Variants in MED12L observed in about 807,000 individuals in gnomAD.
MED12L encodes the protein mediator complex subunit 12L.
Under a neutral mutation model 281.3 loss-of-function variants are expected in MED12L, and 60 were observed. That is an observed-to-expected ratio of 0.21 (90% confidence interval 0.17 to 0.26). The LOEUF is 0.26. Among genes scored for constraint, MED12L ranks in the 10% least tolerant of loss-of-function variants. The pLI is 1.00. For synonymous variants in MED12L, 974 were observed against 987.2 expected (o/e 0.99, Z 0.25); for missense variants, 2,146 against 2,680.9 (o/e 0.80, Z 4.41).
intron 16 of MED12L, among the ~76,000 whole-genome samples, chr3:151,200,005 A>G (rs183494399): frequency 2.0e-5 from 3 of 152,322 alleles, no homozygotes; most frequent in East Asian, 1.9e-4. Flanking sequence ...AAAACCCACA[A>G]CTACCAGAAC....
intron 16 of MED12L, among the ~76,000 whole-genome samples, chr3:151,319,662 C>T (rs1284279120): frequency 1.3e-5 from 2 of 151,976 alleles, no homozygotes; most frequent in Non-Finnish European, 2.9e-5. Context: ...TACTGTTTTT[C>T]ACATATACTC....
intron 16 of MED12L, chr3:151,299,944 G>A (rs538154805): frequency 2.7e-5 from 20 of 739,372 alleles, no homozygotes; most frequent in African/African-American, 1.9e-4. Context: ...GAAACACAAA[G>A]CTAAATGCTG....
At chr3:151,315,203 C>G (rs1034866589) in intron 16 of MED12L, among the ~76,000 whole-genome samples, 3 of 152,122 alleles carry the variant, frequency 2.0e-5, no homozygotes, top group African/African-American at 7.2e-5. Flanking sequence ...GGTATTTTCT[C>G]AGAGTAAAGA....
intron 16 of MED12L, among the ~76,000 whole-genome samples, chr3:151,215,546 G>T (rs972349395): frequency 6.6e-6 from 1 of 152,146 alleles, no homozygotes. Context: ...ATTGCACAGT[G>T]CTGTGCTAGG....
Position 151,367,685 on chromosome 3 carries a change from A to G in MED12L, c.3367A>G (p.Ile1123Val), listed in dbSNP as rs754912002. The G allele has an allele frequency of 1.2e-6, 2 of 1,610,060 alleles. No individual in the cohort carries two copies. Among genetic ancestry groups the G allele is most frequent in the Non-Finnish European group, 1.7e-6 (2 of 1,177,582 alleles). ...LSFHDSLATFIAILIARQCFS... is the reference protein window; with the variant it reads ...LSFHDSLATFVAILIARQCFS... ...ATTCCATGATTCATTAGCTACTTTC[A>G]TTGCTATTCTGATAGCACGACAGTG... Residue 1123 changes from isoleucine to valine, a missense_variant, in exon 24 of 45, where the codon ATT (isoleucine) becomes GTT (valine). Coordinates refer to ENST00000687756, the MANE Select transcript of MED12L (RefSeq NM_001393769.1).
At chr3:151,299,484 T>C (rs1041661411) in intron 16 of MED12L, among the ~76,000 whole-genome samples, 4 of 145,756 alleles carry the variant, frequency 2.7e-5, no homozygotes, top group Non-Finnish European at 6.0e-5. Flanking sequence ...CTTCCTTTCT[T>C]CCTTTTTTTT....
chr3:151,426,467 T>A (rs908303638), intron 43 of MED12L, among the ~76,000 whole-genome samples: 1 of 152,210 alleles, frequency 6.6e-6, no homozygotes, highest in African/African-American at 2.4e-5. Context: ...GCCTATTGCC[T>A]GTGCATGTAC....
chr3:151,276,250 A>C (rs1559971041), intron 16 of MED12L, among the ~76,000 whole-genome samples: 1 of 152,240 alleles, frequency 6.6e-6, no homozygotes, highest in Non-Finnish European at 1.5e-5. Context: ...GTTTGGGGTC[A>C]ATAATTTGCA....
At chr3:151,228,400 G>A (rs750903090) in intron 16 of MED12L, among the ~76,000 whole-genome samples, 24 of 152,090 alleles carry the variant, frequency 1.6e-4, no homozygotes, top group South Asian at 2.1e-4. Flanking sequence ...GGAACATTGC[G>A]CGTACAGGGA....
At chr3:151,219,921 C>A in intron 16 of MED12L, among the ~76,000 whole-genome samples, 1 of 117,330 alleles carries the variant, frequency 8.5e-6, no homozygotes, top group Admixed American at 1.1e-4. Flanking sequence ...TATGGATGAT[C>A]GAATCAATTT....
At chr3:151,141,182 TTTTTG>T (rs1373218281) in intron 5 of MED12L, among the ~76,000 whole-genome samples, 2 of 116,746 alleles carry the variant, frequency 1.7e-5, no homozygotes, top group East Asian at 2.7e-4. Flanking sequence ...TTTTTTGTTT[TTTTTG>T]TTTTTTTTTT....
intron 4 of MED12L, among the ~76,000 whole-genome samples, chr3:151,125,580 C>T (rs1264366092): frequency 6.6e-6 from 1 of 152,192 alleles, no homozygotes; most frequent in Non-Finnish European, 1.5e-5. Flanking sequence ...AGGCCTTGAC[C>T]TGTATAACCT....
At chr3:151,286,622 G>A (rs1412305027) in intron 16 of MED12L, among the ~76,000 whole-genome samples, 1 of 152,158 alleles carries the variant, frequency 6.6e-6, no homozygotes, top group Non-Finnish European at 1.5e-5. Context: ...TGAAATGGCT[G>A]GATTCATGGA....
intron 5 of MED12L, among the ~76,000 whole-genome samples, chr3:151,151,237 C>T (rs1718459365): frequency 6.6e-6 from 1 of 151,606 alleles, no homozygotes; most frequent in Non-Finnish European, 1.5e-5. Flanking sequence ...CGGTGTTTCA[C>T]CGTGTTAGCC....
chr3:151,356,693 A>G (rs1026194558), intron 19 of MED12L, among the ~76,000 whole-genome samples: 1 of 151,930 alleles, frequency 6.6e-6, no homozygotes, highest in Non-Finnish European at 1.5e-5. Context: ...ATGAAAGTTT[A>G]TTTGCTCTTT....
At chr3:151,303,240 A>T (rs1746179170) in intron 16 of MED12L, among the ~76,000 whole-genome samples, 2 of 152,168 alleles carry the variant, frequency 1.3e-5, no homozygotes, top group Admixed American at 1.3e-4. Flanking sequence ...TCTTTCGCTG[A>T]TGTAGGACCC....
chr3:151,410,951 G>A (rs1716863575), intron 40 of MED12L, among the ~76,000 whole-genome samples: 1 of 152,152 alleles, frequency 6.6e-6, no homozygotes, highest in Non-Finnish European at 1.5e-5. Context: ...AGATTTAGAT[G>A]CTTGCCTGAT....
intron 10 of MED12L, 126 bp downstream of exon 10, chr3:151,165,645 G>A: frequency 1.0e-6 from 1 of 958,686 alleles, no homozygotes; most frequent in Non-Finnish European, 1.6e-6. Flanking sequence ...GAATTTTGAG[G>A]ACAATCTTCA....
chr3:151,173,956 A>T (rs1210021190), intron 11 of MED12L, among the ~76,000 whole-genome samples: 1 of 152,184 alleles, frequency 6.6e-6, no homozygotes, highest in Non-Finnish European at 1.5e-5. Context: ...TACAGTGATG[A>T]ATTTTGGAAA....
Sources: allele counts gnomAD v4.1 joint callset (sites outside exome capture counted in the v4.1 genomes callset), GRCh38; gene constraint gnomAD v4.1.1; transcripts MANE v1.5; gene names NCBI Gene and HGNC (gene_info 2026-07-23, HGNC 2026-07-21).